CSMD2: variants seen among roughly 807,000 people sequenced by gnomAD.
CSMD2 encodes CUB and Sushi multiple domains 2, also known as CUB and sushi domain-containing protein 2.
Under a neutral mutation model 398.5 loss-of-function variants are expected in CSMD2, and 130 were observed. The ratio of observed to expected loss-of-function variants is 0.33; its 90% CI spans 0.28 to 0.38. The LOEUF is 0.38. Among genes scored for constraint, CSMD2 ranks in the 10% least tolerant of loss-of-function variants. CSMD2 has a pLI of 1.00. For missense variants in CSMD2, 3,829 were observed against 4,764.9 expected, an observed-to-expected ratio of 0.80 and a Z score of 5.78; for synonymous variants, 1,828 against 1,908.5, an observed-to-expected ratio of 0.96 and a Z score of 1.10.
rs145478998 is a variant in CSMD2 at position 34,055,451 on chromosome 1, C to A, written c.405-22745G>T. Among the ~76,000 whole-genome samples, 37 of 152,272 alleles carry A rather than the reference C, an allele frequency of 2.4e-4. No homozygotes were observed. In the East Asian group the frequency reaches 6.4e-3, roughly 26 times the overall value. Reference sequence around the variant, plus strand: ...CCCACCGCAGATGCCAATCACAAGACCCTGGTTGTTTTACCTTTACTTCTG... The same window carrying A: ...CCCACCGCAGATGCCAATCACAAGAACCTGGTTGTTTTACCTTTACTTCTG... On this transcript the variant is annotated intron_variant, in intron 2 of 70. Transcript: ENST00000373381.
chr1:33,557,496 G>A (rs773029197), intron 55 of CSMD2, among the ~76,000 whole-genome samples: 1 of 152,144 alleles, frequency 6.6e-6, no homozygotes, highest in Non-Finnish European at 1.5e-5. Context: ...CAGGCCTCTA[G>A]CTAGGAAAGT....
rs1446942849 is a variant in CSMD2, at chr1:33,633,279, T to C, written c.5200+143A>G. On this transcript the variant is annotated intron_variant, in intron 32 of 70. Coordinates refer to ENST00000373381, the MANE Select transcript of CSMD2 (RefSeq NM_001281956.2). This position sits in a 1 kb window ranked among gnomAD's most constrained non-coding sequence, Gnocchi z 5.0. ...CTCTCACGAGCTGGCTGCTGCGTTG[T>C]AGACAAGCACCAGAACACGACAGGC... 2 of 661,124 alleles carry C rather than the reference T, an allele frequency of 3.0e-6. No individual in the cohort carries two copies. Among genetic ancestry groups the C allele is most frequent in the African/African-American group, 1.8e-5 (1 of 55,342 alleles). The allele number at this position is 661,124 out of a possible 1,614,324, so 41.0% of individuals were successfully genotyped here.
chr1:33,609,742 T>C (rs1163220750), intron 41 of CSMD2, among the ~76,000 whole-genome samples: 1 of 152,170 alleles, frequency 6.6e-6, no homozygotes, highest in East Asian at 1.9e-4. Context: ...GCTACAGCAA[T>C]ATATATACCG....
chr1:34,007,945 A>G (rs962432745), intron 3 of CSMD2, among the ~76,000 whole-genome samples: 4 of 152,218 alleles, frequency 2.6e-5, no homozygotes, highest in African/African-American at 9.6e-5. Context: ...GTGGTCTTGA[A>G]AAAAGATGAG....
chr1:33,672,757 G>C (rs1644553478), intron 25 of CSMD2, among the ~76,000 whole-genome samples: 1 of 152,204 alleles, frequency 6.6e-6, no homozygotes, highest in Non-Finnish European at 1.5e-5. Flanking sequence ...ACTCCTCTGA[G>C]ATAAAACTTC....
chr1:34,054,529 G>C (rs1653596677), intron 2 of CSMD2, among the ~76,000 whole-genome samples: 1 of 152,118 alleles, frequency 6.6e-6, no homozygotes, highest in Non-Finnish European at 1.5e-5. Flanking sequence ...AGACCATCCT[G>C]GCTAACACGG....
chr1:33,917,843 G>A (rs1643803518), intron 5 of CSMD2, among the ~76,000 whole-genome samples: 2 of 152,128 alleles, frequency 1.3e-5, no homozygotes, highest in Admixed American at 1.3e-4. Context: ...ATTCAACCAA[G>A]ACCCATCATA....
intron 1 of CSMD2, among the ~76,000 whole-genome samples, chr1:34,136,523 T>C (rs1638768922): frequency 6.6e-6 from 1 of 152,226 alleles, no homozygotes; most frequent in African/African-American, 2.4e-5. Context: ...GAACATGGTC[T>C]GTGCTGGGGT....
Position 33,635,407 on chromosome 1 carries a change from C to A in CSMD2, c.4970-77G>T. 1 of 900,486 alleles carries A rather than the reference C, an allele frequency of 1.1e-6. No homozygotes were observed. 55.8% of individuals were successfully genotyped at this position (900,486 alleles called of 1,614,324 possible). On this transcript the variant is annotated intron_variant, in intron 30 of 70. Transcript: ENST00000373381. The surrounding 1 kb of genome is among the most constrained non-coding windows in gnomAD (Gnocchi z 5.0). ...GTGACCATCCTCTGTTCTGCCCCAGCCTGAGCTTCTGGCCCCAGTAGGGCT... is the reference window on the plus strand; with the variant it reads ...GTGACCATCCTCTGTTCTGCCCCAGACTGAGCTTCTGGCCCCAGTAGGGCT...
chr1:33,739,363 C>T, intron 14 of CSMD2, 29 bp from the exon 15 acceptor site: 32 of 1,584,806 alleles, frequency 2.0e-5, no homozygotes, highest in Non-Finnish European at 2.7e-5. Flanking sequence ...AGGACATGAT[C>T]AGACATTGCT....
intron 48 of CSMD2, among the ~76,000 whole-genome samples, chr1:33,579,245 G>A (rs1200242821): frequency 6.6e-6 from 1 of 152,182 alleles, no homozygotes; most frequent in African/African-American, 2.4e-5. Context: ...GTGAGCAGCT[G>A]CCAGGAACTC....
At chr1:34,103,314 T>TTTTTTTTTTTTTC (rs1553316154) in intron 1 of CSMD2, among the ~76,000 whole-genome samples, 1 of 114,658 alleles carries the variant, frequency 8.7e-6, no homozygotes. Flanking sequence ...TTTTTTTCTT[T>TTTTTTTTTTTTTC]CTGAGCCAGA....
At chr1:33,726,015 C>G (rs1467876107) in intron 16 of CSMD2, among the ~76,000 whole-genome samples, 3 of 152,104 alleles carry the variant, frequency 2.0e-5, no homozygotes, top group Non-Finnish European at 4.4e-5. Flanking sequence ...CCATCTGGCT[C>G]TTCACACAAA....
At chr1:34,158,223 TG>T (rs573470542) in intron 1 of CSMD2, among the ~76,000 whole-genome samples, 2 of 152,078 alleles carry the variant, frequency 1.3e-5, no homozygotes, top group East Asian at 3.9e-4. Flanking sequence ...TTGCTTTCTG[TG>T]GGTCCAAGGG....
At chr1:33,802,936 C>T (rs561191727) in intron 10 of CSMD2, among the ~76,000 whole-genome samples, 65 of 152,310 alleles carry the variant, frequency 4.3e-4, no homozygotes, top group African/African-American at 1.3e-3. Flanking sequence ...ATGTTCCTTG[C>T]CGGCTACTGC....
intron 2 of CSMD2, among the ~76,000 whole-genome samples, chr1:34,087,659 A>G (rs976983690): frequency 6.0e-5 from 8 of 134,318 alleles, no homozygotes; most frequent in African/African-American, 2.2e-4. Context: ...ATAATAATAA[A>G]GCCAGCACTC....
chr1:33,578,471 G>T (rs1417807172), intron 48 of CSMD2, among the ~76,000 whole-genome samples: 2 of 152,122 alleles, frequency 1.3e-5, no homozygotes, highest in African/African-American at 4.8e-5. Context: ...CCAGCTACTC[G>T]GGAGGCTAAG....
intron 5 of CSMD2, among the ~76,000 whole-genome samples, chr1:33,871,317 C>T (rs1020797513): frequency 6.6e-6 from 1 of 152,064 alleles, no homozygotes; most frequent in Non-Finnish European, 1.5e-5. Context: ...TCTTCAATTG[C>T]CTCAAAGACA....
chr1:33,936,010 G>A, intron 3 of CSMD2, 56 bp from the exon 4 acceptor site: 2 of 1,500,362 alleles, frequency 1.3e-6, no homozygotes, highest in Non-Finnish European at 1.8e-6. Context: ...CTGGAGCCCT[G>A]ACACCGGGCT....
Sources: gnomAD v4.1 joint callset for allele counts (sites outside exome capture counted in the v4.1 genomes callset) on GRCh38, gnomAD v4.1.1 for gene constraint, Gnocchi (gnomAD v3.1) non-coding constraint, MANE v1.5 for transcripts, NCBI Gene and HGNC (gene_info 2026-07-23, HGNC 2026-07-21) for gene names.